GAREM2: variants seen among roughly 807,000 people sequenced by gnomAD.
GAREM2 encodes GRB2 associated regulator of MAPK1 subtype 2, also known as GRB2-associated and regulator of MAPK protein 2.
Under a neutral mutation model 55.6 loss-of-function variants are expected in GAREM2, and 30 were observed. That is an observed-to-expected ratio of 0.54 (90% CI 0.40 to 0.73). The LOEUF (loss-of-function observed/expected upper bound fraction) is 0.73, where lower values mean the gene tolerates loss of function less well. GAREM2 is among the 30% of genes least tolerant of loss of function. The pLI, the probability that GAREM2 is intolerant of heterozygous loss-of-function variation, is 0.00. For missense variants in GAREM2, 1,075 were observed against 1,257.7 expected (o/e 0.85, Z 2.20); for synonymous variants, 550 against 569.1 (o/e 0.97, Z 0.48).
chr2:26,187,984 TC>T lies in GAREM2; in HGVS notation c.2356del (p.Arg786GlyfsTer43). 2 of 1,460,764 alleles carry T rather than the reference TC, an allele frequency of 1.4e-6. No homozygotes were observed. Among genetic ancestry groups the T allele is most frequent in the Non-Finnish European group, 1.8e-6 (2 of 1,101,230 alleles). The allele number at this position is 1,460,764 out of a possible 1,614,324, so 90.5% of individuals were successfully genotyped here. Reference protein sequence around the residue: ...QGRLEGPPASPRDGATGFGVR... With the variant: ...QGRLEGPPASXRDGATGFGVR... ...GGCGCCTGGAAGGGCCTCCTGCCAG[TC>T]CCCGGGATGGAGCCACAGGCTTTGG... On this transcript the variant is annotated frameshift_variant, in exon 6 of 6. Transcript: ENST00000401533. LOFTEE classifies it high-confidence loss of function.
chr2:26,177,323 C>T (rs1302121639), intron 2 of GAREM2, among the ~76,000 whole-genome samples: 1 of 152,154 alleles, frequency 6.6e-6, no homozygotes, highest in Non-Finnish European at 1.5e-5. Flanking sequence ...GAGACGTCCC[C>T]GTGTGAGCCC....
intron 2 of GAREM2, chr2:26,182,152 C>A: frequency 7.8e-7 from 1 of 1,283,756 alleles, no homozygotes; most frequent in Non-Finnish European, 9.9e-7. Context: ...GGTGTCTGGC[C>A]AGTGAGGTGA....
In GAREM2 at chr2:26,184,825, T is replaced by C; in HGVS notation, c.977T>C (p.Leu326Pro). The C allele has an allele frequency of 6.7e-7, 1 of 1,487,730 alleles. No individual in the cohort carries two copies. The highest frequency in any genetic ancestry group is 8.9e-7 in the Non-Finnish European group (1 of 1,127,000). The allele number at this position is 1,487,730 out of a possible 1,614,324, so 92.2% of individuals were successfully genotyped here. A position where few individuals can be genotyped will look rare whatever the true frequency, so the allele number is the denominator to read the frequency against. Residue 326 changes from leucine to proline, a missense_variant, in exon 4 of 6, where the codon CTG becomes CCG. Transcript: ENST00000401533. ...LLLTDTPRFA[L>P]PQGLLAGDPR... is the part of the protein sequence containing the mutation. ...CTCACGGACACGCCGCGCTTCGCGCTGCCGCAGGGCCTGCTGGCCGGGGAC... is the reference window on the plus strand; with the variant it reads ...CTCACGGACACGCCGCGCTTCGCGCCGCCGCAGGGCCTGCTGGCCGGGGAC...
the GAREM2 span, among the ~76,000 whole-genome samples, chr2:26,196,665 T>A: frequency 6.6e-6 from 1 of 152,112 alleles, no homozygotes; most frequent in Non-Finnish European, 1.5e-5. Context: ...TTTAAATGAA[T>A]GACAAAAGGC....
downstream of GAREM2, among the ~76,000 whole-genome samples, chr2:26,193,375 C>T (rs1669569004): frequency 6.6e-6 from 1 of 150,584 alleles, no homozygotes; most frequent in African/African-American, 2.5e-5. Context: ...GCGATCCTCC[C>T]ACCTCAGCCT....
chr2:26,189,139 A>G lies in GAREM2; in HGVS notation c.*882A>G, dbSNP rs747567291. On this transcript the variant is annotated 3_prime_UTR_variant, in exon 6 of 6. Coordinates refer to ENST00000401533, the MANE Select transcript of GAREM2 (RefSeq NM_001168241.2). Reference sequence around the variant, plus strand: ...TAGTCAACCACCTCCAATTCCGCCAATCTCTTGCCCCCATCATTTGTCTCT... The same window carrying G: ...TAGTCAACCACCTCCAATTCCGCCAGTCTCTTGCCCCCATCATTTGTCTCT... 1 of 152,190 alleles carries G rather than the reference A, an allele frequency of 6.6e-6. No homozygotes were observed. Among genetic ancestry groups the G allele is most frequent in the Non-Finnish European group, 1.5e-5 (1 of 68,042 alleles). The allele number at this position is 152,190 out of a possible 1,614,324, so 9.4% of individuals were successfully genotyped here.
At chr2:26,176,861 C>T (rs529215147) in intron 2 of GAREM2, among the ~76,000 whole-genome samples, 8 of 152,218 alleles carry the variant, frequency 5.3e-5, no homozygotes, top group East Asian at 3.9e-4. Context: ...TTTTCTGTAC[C>T]GCGCAACCAA....
chr2:26,178,761 ATC>A (rs1185941708), intron 2 of GAREM2, among the ~76,000 whole-genome samples: 1 of 150,954 alleles, frequency 6.6e-6, no homozygotes. Context: ...TCTTCCTCCC[ATC>A]TCTCTGGCGC....
chr2:26,182,387 G>A lies in GAREM2; in HGVS notation c.254-580G>A, dbSNP rs1669079066. 9.1e-6 allele frequency: 14 copies of A among 1,546,614 alleles called. No individual in the cohort carries two copies. In the South Asian group the frequency reaches 1.4e-4, roughly 16 times the overall value. On this transcript the variant is annotated intron_variant, in intron 2 of 5. Coordinates refer to ENST00000401533, the MANE Select transcript of GAREM2 (RefSeq NM_001168241.2). ...GGGTGTGGGAACAGAGCTGGGGTCA[G>A]AGTGGTTCTCCCAGGGCCTTCAAGG... is the stretch of plus-strand genomic sequence containing the variant.
chr2:26,182,394 T>G, intron 2 of GAREM2: 1 of 1,547,182 alleles, frequency 6.5e-7, no homozygotes, highest in Non-Finnish European at 8.7e-7. Flanking sequence ...TCAGAGTGGT[T>G]CTCCCAGGGC....
At chr2:26,178,867 C>A (rs1668946812) in intron 2 of GAREM2, among the ~76,000 whole-genome samples, 1 of 20,718 alleles carries the variant, frequency 4.8e-5, no homozygotes, top group African/African-American at 3.3e-4. Context: ...TGCTTCTGTC[C>A]GCCCGCACGG....
At chr2:26,192,800 A>G (rs1669548634), downstream of GAREM2, among the ~76,000 whole-genome samples, 1 of 152,214 alleles carries the variant, frequency 6.6e-6, no homozygotes, top group African/African-American at 2.4e-5. Flanking sequence ...TTGGTCTATT[A>G]TAAAGCTCTG....
the GAREM2 span, among the ~76,000 whole-genome samples, chr2:26,203,598 C>T: frequency 6.6e-6 from 1 of 152,316 alleles, no homozygotes; most frequent in South Asian, 2.1e-4. Flanking sequence ...GTCCTGATCC[C>T]GGCCCTGCCT....
chr2:26,173,459 G>C (rs1351165564), intron 1 of GAREM2, 127 bp downstream of exon 1: 3 of 465,764 alleles, frequency 6.4e-6, no homozygotes, highest in African/African-American at 6.2e-5. Context: ...CGTGGGCCCC[G>C]AGCGGTTCCT....
In GAREM2 at chr2:26,184,922, C is replaced by G; in HGVS notation, c.1074C>G (p.Ser358=). The change falls in exon 4 of 6, where the codon TCC becomes TCG. Residue 358 remains serine (S), a synonymous_variant. Transcript: ENST00000401533. ...AGCGCTTCGACCCCGACGAGTACTC[C>G]ACGGCCGTGCGCGAGGCGCCAGCGG... ...CRERFDPDEY[S]TAVREAPAEL... is the part of the protein sequence containing the mutation. The G allele has an allele frequency of 7.3e-7, 1 of 1,360,648 alleles. No homozygotes were observed. Among genetic ancestry groups the G allele is most frequent in the Middle Eastern group, 2.6e-4 (1 of 3,806 alleles). The allele number at this position is 1,360,648 out of a possible 1,614,324, so 84.3% of individuals were successfully genotyped here. A position where few individuals can be genotyped will look rare whatever the true frequency, so the allele number is the denominator to read the frequency against.
At position 26,176,355 on chromosome 2, in the gene GAREM2, G is replaced by C. The variant is rs772698775; in HGVS notation, c.124G>C (p.Glu42Gln). ...CTCCCCCTTCCCAGGGGAGTACGCC[G>C]AGGGCGTCAGTGAGCGAGACATCCT... ...LACLGPGEYA[E>Q]GVSERDILLI... The change falls in exon 2 of 6, where the codon GAG becomes CAG. Residue 42 changes from glutamate (E) to glutamine (Q), a missense_variant. By Grantham distance (29) the Glu-to-Gln change is conservative. This residue lies in a region of GAREM2 where 230 missense variants were observed against 310.6 expected (regional missense o/e 0.74). Coordinates refer to ENST00000401533, the MANE Select transcript of GAREM2 (RefSeq NM_001168241.2). 1.3e-6 allele frequency: 2 copies of C among 1,544,676 alleles called. No homozygotes were observed. The highest frequency in any genetic ancestry group is 1.2e-5 in the South Asian group (1 of 83,026).
chr2:26,183,907 T>C (rs1169986321), intron 3 of GAREM2, among the ~76,000 whole-genome samples: 1 of 152,276 alleles, frequency 6.6e-6, no homozygotes, highest in Non-Finnish European at 1.5e-5. Flanking sequence ...CGCCATTTAC[T>C]GCATACTTTA....
chr2:26,199,569 C>T, the GAREM2 span, among the ~76,000 whole-genome samples: 3 of 152,250 alleles, frequency 2.0e-5, no homozygotes, highest in South Asian at 6.2e-4. Context: ...TCTTTTCTCC[C>T]AGCTAGAAGT....
the GAREM2 span, among the ~76,000 whole-genome samples, chr2:26,198,896 CTT>C: frequency 2.6e-4 from 37 of 141,372 alleles, no homozygotes; most frequent in Non-Finnish European, 3.1e-4. Flanking sequence ...CAAAACATAA[CTT>C]TTTTTTTTTT....
Sources: gnomAD v4.1 joint callset for allele counts (sites outside exome capture counted in the v4.1 genomes callset) on GRCh38, gnomAD v4.1.1 for gene constraint, gnomAD v4.1.1 regional missense constraint, MANE v1.5 for transcripts, NCBI Gene and HGNC (gene_info 2026-07-23, HGNC 2026-07-21) for gene names.